PDE4B: variants seen among roughly 807,000 people sequenced by gnomAD.
PDE4B encodes phosphodiesterase 4B, also known as 3',5'-cyclic-AMP phosphodiesterase 4B.
Under a neutral mutation model 82.2 loss-of-function variants are expected in PDE4B, and 20 were observed. The observed-to-expected ratio is 0.24, with a 90% confidence interval of 0.17 to 0.35. The LOEUF is 0.35. PDE4B is among the 10% of genes least tolerant of loss of function. PDE4B has a pLI of 1.00. For synonymous variants in PDE4B, 320 were observed against 318.9 expected (o/e 1.00, Z -0.04); for missense variants, 655 against 907.2 (o/e 0.72, Z 3.57).
At chr1:65,905,856 G>A (rs552800916) in intron 1 of PDE4B, among the ~76,000 whole-genome samples, 11 of 152,106 alleles carry the variant, frequency 7.2e-5, no homozygotes, top group Non-Finnish European at 1.2e-4. Flanking sequence ...ATGAATAAGC[G>A]TTGATTCTCC....
At chr1:66,284,066 TG>T (rs1301040188) in intron 7 of PDE4B, among the ~76,000 whole-genome samples, 1 of 152,092 alleles carries the variant, frequency 6.6e-6, no homozygotes, top group African/African-American at 2.4e-5. Context: ...TTAACAGTCG[TG>T]GGGCAGACAA....
At chr1:66,130,467 T>A (rs1460328901) in intron 3 of PDE4B, among the ~76,000 whole-genome samples, 1 of 152,128 alleles carries the variant, frequency 6.6e-6, no homozygotes, top group African/African-American at 2.4e-5. Context: ...ATATGATCAA[T>A]CCCATGTAGT....
chr1:66,064,060 G>A (rs978639155), intron 3 of PDE4B, among the ~76,000 whole-genome samples: 5 of 151,948 alleles, frequency 3.3e-5, no homozygotes, highest in African/African-American at 1.2e-4. Context: ...AGAGTAATAA[G>A]ATAAGTTGTG....
rs147706290 is a variant in PDE4B, at chr1:65,856,899, G to T, written c.-70-56346G>T. ...GTCCCACAGATATACTCCTTCCTTCGAAGTAGCCCCACCTCAGTTTAATGC... is the reference window on the plus strand; with the variant it reads ...GTCCCACAGATATACTCCTTCCTTCTAAGTAGCCCCACCTCAGTTTAATGC... On this transcript the variant is annotated intron_variant, in intron 1 of 16. Transcript: ENST00000341517. Among the ~76,000 whole-genome samples the T allele has an allele frequency of 4.6e-5, 7 of 152,238 alleles. No individual in the cohort carries two copies. The East Asian group carries it at 1.4e-3, about 29-fold the overall frequency.
intron 3 of PDE4B, among the ~76,000 whole-genome samples, chr1:66,172,291 T>C (rs1213125109): frequency 6.6e-6 from 1 of 152,240 alleles, no homozygotes; most frequent in African/African-American, 2.4e-5. Context: ...TCATTTTTTC[T>C]TATGGCTGCA....
chr1:66,328,390 G>A (rs1659879899), intron 7 of PDE4B, among the ~76,000 whole-genome samples: 1 of 152,184 alleles, frequency 6.6e-6, no homozygotes, highest in Non-Finnish European at 1.5e-5. Flanking sequence ...CTTCTGTGGT[G>A]TTAAACATTG....
At chr1:66,324,652 C>T (rs1557701082) in intron 7 of PDE4B, among the ~76,000 whole-genome samples, 1 of 152,172 alleles carries the variant, frequency 6.6e-6, no homozygotes, top group African/African-American at 2.4e-5. Context: ...CCCTTAAGGG[C>T]AGTGAACCTC....
At chr1:66,108,108 C>A (rs1500952) in intron 3 of PDE4B, among the ~76,000 whole-genome samples, 63,505 of 151,498 alleles carry the variant, frequency 0.42, 14,568 homozygotes, top group Non-Finnish European at 0.5. Flanking sequence ...TTTTCAAGTA[C>A]ACAATACATT....
chr1:65,954,719 T>G (rs1290656829), intron 3 of PDE4B, among the ~76,000 whole-genome samples: 1 of 152,124 alleles, frequency 6.6e-6, no homozygotes, highest in Non-Finnish European at 1.5e-5. Context: ...TTTGATCAGT[T>G]CTCTCACTAC....
intron 3 of PDE4B, among the ~76,000 whole-genome samples, chr1:66,226,581 A>G (rs1651471315): frequency 6.6e-6 from 1 of 152,228 alleles, no homozygotes; most frequent in South Asian, 2.1e-4. Context: ...CAGAGCCAAC[A>G]GCAAGGTCAA....
intron 1 of PDE4B, among the ~76,000 whole-genome samples, chr1:65,805,014 G>T (rs1645738865): frequency 4.6e-5 from 7 of 151,844 alleles, no homozygotes; most frequent in Admixed American, 4.6e-4. Context: ...TTCCAGGCTG[G>T]GGTGCAGTGG....
chr1:66,312,148 C>T (rs1658719286), intron 7 of PDE4B, among the ~76,000 whole-genome samples: 2 of 152,196 alleles, frequency 1.3e-5, no homozygotes, highest in South Asian at 4.1e-4. Flanking sequence ...TTTCTTTAAC[C>T]TACTCTTTTC....
At chr1:66,084,685 G>A (rs1165136762) in intron 3 of PDE4B, among the ~76,000 whole-genome samples, 1 of 152,094 alleles carries the variant, frequency 6.6e-6, no homozygotes, top group Non-Finnish European at 1.5e-5. Context: ...GTGGAAGTGA[G>A]GATCAGATAT....
At chr1:65,886,422 A>G (rs1646777411) in intron 1 of PDE4B, among the ~76,000 whole-genome samples, 1 of 152,164 alleles carries the variant, frequency 6.6e-6, no homozygotes, top group Non-Finnish European at 1.5e-5. Flanking sequence ...GAAATATACA[A>G]TACAGTGTTG....
At chr1:65,930,660 C>A (rs771060612) in intron 3 of PDE4B, among the ~76,000 whole-genome samples, 3 of 152,216 alleles carry the variant, frequency 2.0e-5, no homozygotes, top group Non-Finnish European at 2.9e-5. Flanking sequence ...TAGCCCTGTT[C>A]TTTTGGCTGA....
At chr1:66,307,232 A>G in intron 7 of PDE4B, among the ~76,000 whole-genome samples, 1 of 152,194 alleles carries the variant, frequency 6.6e-6, no homozygotes, top group Non-Finnish European at 1.5e-5. Context: ...ATATCATTGA[A>G]GCAGGGCCTA....
At chr1:66,185,562 G>A (rs1251123267) in intron 3 of PDE4B, among the ~76,000 whole-genome samples, 7 of 152,008 alleles carry the variant, frequency 4.6e-5, no homozygotes, top group East Asian at 1.9e-4. Flanking sequence ...ATCTCATTGT[G>A]GTTTTGATTT....
intron 3 of PDE4B, among the ~76,000 whole-genome samples, chr1:66,080,042 A>C (rs1473985505): frequency 6.6e-6 from 1 of 152,166 alleles, no homozygotes; most frequent in Non-Finnish European, 1.5e-5. Context: ...ATATTTCTAC[A>C]TATCCTGAAA....
At chr1:66,030,862 G>T (rs12123415) in intron 3 of PDE4B, among the ~76,000 whole-genome samples, 71,586 of 152,022 alleles carry the variant, frequency 0.47, 17,499 homozygotes, top group Non-Finnish European at 0.54. Flanking sequence ...TGCAAGAACA[G>T]AAAACCAAAA....
Sources: gnomAD v4.1 joint callset for allele counts (sites outside exome capture counted in the v4.1 genomes callset) on GRCh38, gnomAD v4.1.1 for gene constraint, MANE v1.5 for transcripts, NCBI Gene and HGNC (gene_info 2026-07-23, HGNC 2026-07-21) for gene names.